Variants in CARF observed in about 807,000 individuals in gnomAD.
The protein encoded by CARF is calcium-responsive transcription factor.
A neutral mutation model predicts 82.0 loss-of-function variants in CARF; 57 were observed. That is an observed-to-expected ratio of 0.70 (90% CI 0.56 to 0.87). The LOEUF (loss-of-function observed/expected upper bound fraction) is 0.87. CARF is among the 40% of genes least tolerant of loss of function. The pLI is 0.00. For synonymous variants in CARF, 268 were observed against 290.1 expected (o/e 0.92, Z 0.77); for missense variants, 771 against 855.8 (o/e 0.90, Z 1.24).
At chr2:202,957,435 C>G (rs1034461687) in intron 8 of CARF, among the ~76,000 whole-genome samples, 21 of 152,018 alleles carry the variant, frequency 1.4e-4, no homozygotes, top group African/African-American at 4.8e-4. Context: ...TAGCCTAGTC[C>G]TCCTACTTTT....
chr2:202,923,717 TC>T (rs1691272765), intron 2 of CARF, among the ~76,000 whole-genome samples: 2 of 152,264 alleles, frequency 1.3e-5, no homozygotes, highest in Admixed American at 6.5e-5. Context: ...TTACCTGATT[TC>T]GAACTATACT....
At chr2:202,934,236 C>T (rs944027617) in intron 3 of CARF, among the ~76,000 whole-genome samples, 2 of 151,730 alleles carry the variant, frequency 1.3e-5, no homozygotes, top group Non-Finnish European at 1.5e-5. Flanking sequence ...ATGACATGTT[C>T]TTTATGGTTC....
rs1211690549 is a variant in CARF, at chr2:202,912,959, TTACTC to T, written c.-470_-466del. 1 of 152,240 alleles carries T rather than the reference TTACTC, an allele frequency of 6.6e-6. No homozygotes were observed. The highest frequency in any genetic ancestry group is 1.5e-5 in the Non-Finnish European group (1 of 68,046). 9.4% of individuals were successfully genotyped at this position (152,240 alleles called of 1,614,324 possible). A position where few individuals can be genotyped will look rare whatever the true frequency, so the allele number is the denominator to read the frequency against. On this transcript the variant is annotated 5_prime_UTR_variant, in exon 1 of 17. An upstream open reading frame in the 5' UTR loses its in-frame stop. Transcript: ENST00000438828. ...GTATTGTTCTCAATGGTCCCAAGAA[TTACTC>T]TAATATAGTTGTTTTTCTGAGGGAG...
intron 9 of CARF, 170 bp downstream of exon 9, chr2:202,961,596 C>A (rs1377919752): frequency 1.7e-6 from 1 of 597,500 alleles, no homozygotes. Flanking sequence ...TAATCAATTA[C>A]TTTATAATAT....
At chr2:202,928,753 G>T (rs572619162) in intron 3 of CARF, among the ~76,000 whole-genome samples, 1 of 151,918 alleles carries the variant, frequency 6.6e-6, no homozygotes, top group South Asian at 2.1e-4. Context: ...TTGACCATTC[G>T]TATGTCTTCT....
intron 10 of CARF, among the ~76,000 whole-genome samples, chr2:202,968,125 C>T (rs1251222677): frequency 6.6e-6 from 1 of 152,062 alleles, no homozygotes; most frequent in African/African-American, 2.4e-5. Context: ...CATTCTTGGC[C>T]GAGCATGGTG....
intron 10 of CARF, among the ~76,000 whole-genome samples, chr2:202,968,653 T>C (rs553860039): frequency 7.9e-5 from 12 of 152,260 alleles, no homozygotes; most frequent in Admixed American, 7.9e-4. Context: ...GAAGAAATAA[T>C]TTTATTTTCC....
chr2:202,976,088 CATACATACATA>C (rs759354366), intron 13 of CARF, among the ~76,000 whole-genome samples: 4 of 152,072 alleles, frequency 2.6e-5, no homozygotes, highest in South Asian at 2.1e-4. Context: ...TCCATCCATA[CATACATACATA>C]CATACAGTTC....
intron 9 of CARF, among the ~76,000 whole-genome samples, chr2:202,964,004 C>T (rs2059433260): frequency 6.6e-6 from 1 of 152,100 alleles, no homozygotes; most frequent in Admixed American, 6.6e-5. Flanking sequence ...CCTGTTATAG[C>T]CAATATCACA....
In CARF at chr2:202,987,165, A is replaced by G. The variant is rs753238102; in HGVS notation, c.*3541A>G. ...TTACATTTTGGGGAGACATATATGC[A>G]TTTAATACCCTGCAACTCAGCCAAG... On this transcript the variant is annotated 3_prime_UTR_variant, in exon 17 of 17. Coordinates refer to ENST00000438828, the MANE Select transcript of CARF (RefSeq NM_024744.17). 1 of 151,756 alleles carries G rather than the reference A, an allele frequency of 6.6e-6. No individual in the cohort carries two copies. The highest frequency in any genetic ancestry group is 1.5e-5 in the Non-Finnish European group (1 of 67,964). 9.4% of individuals were successfully genotyped at this position (151,756 alleles called of 1,614,324 possible).
intron 5 of CARF, among the ~76,000 whole-genome samples, chr2:202,947,473 T>C (rs1405581543): frequency 6.6e-6 from 1 of 151,358 alleles, no homozygotes; most frequent in African/African-American, 2.4e-5. Flanking sequence ...CCAGGGCCTG[T>C]CGGGGGGGTA....
Position 202,971,753 on chromosome 2 carries a change from C to A in CARF, c.1331+15C>A. 1 of 1,567,862 alleles carries A rather than the reference C, an allele frequency of 6.4e-7. No homozygotes were observed. The highest frequency in any genetic ancestry group is 8.8e-7 in the Non-Finnish European group (1 of 1,139,754). On this transcript the variant is annotated intron_variant, in intron 12 of 16. Coordinates refer to ENST00000438828, the MANE Select transcript of CARF (RefSeq NM_024744.17). ...AAACAGCTAAGGTACAATAGAAGAGCATTGTTCTTTTACATTTTTCAGTTT... is the reference window on the plus strand; with the variant it reads ...AAACAGCTAAGGTACAATAGAAGAGAATTGTTCTTTTACATTTTTCAGTTT...
chr2:202,942,087 T>G (rs1485594550), intron 4 of CARF, 107 bp downstream of exon 4: 1 of 899,244 alleles, frequency 1.1e-6, no homozygotes, highest in Non-Finnish European at 1.7e-6. Context: ...TATTCAAGAA[T>G]TTTGAGCTGG....
intron 9 of CARF, 55 bp downstream of exon 9, chr2:202,961,481 C>CA: frequency 4.7e-6 from 7 of 1,495,932 alleles, no homozygotes; most frequent in Non-Finnish European, 6.5e-6. Flanking sequence ...AGTCCATTGT[C>CA]AAAATGTGAT....
intron 2 of CARF, among the ~76,000 whole-genome samples, chr2:202,918,529 T>TCAAAA (rs1257576034): frequency 2.0e-5 from 3 of 151,902 alleles, no homozygotes; most frequent in African/African-American, 7.3e-5. Flanking sequence ...AGACTCCGTC[T>TCAAAA]CAAAACAAAA....
rs766365967 is a variant in CARF at position 202,983,667 on chromosome 2, A to G, written c.*43A>G. Reference sequence around the variant, plus strand: ...GAATTTACAACTCTGGTGACTTCTGATGTCTTAGAAAGGAAGGTGAATATA... The same window carrying G: ...GAATTTACAACTCTGGTGACTTCTGGTGTCTTAGAAAGGAAGGTGAATATA... On this transcript the variant is annotated 3_prime_UTR_variant, in exon 17 of 17. Transcript: ENST00000438828. The G allele has an allele frequency of 2.4e-6, 3 of 1,231,576 alleles. No individual in the cohort carries two copies. The South Asian group carries it at 3.8e-5, about 16-fold the overall frequency. 76.3% of individuals were successfully genotyped at this position (1,231,576 alleles called of 1,614,324 possible). A position where few individuals can be genotyped will look rare whatever the true frequency, so the allele number is the denominator to read the frequency against.
At position 202,983,668 on chromosome 2, in the gene CARF, T is replaced by A; in HGVS notation, c.*44T>A. ...AATTTACAACTCTGGTGACTTCTGATGTCTTAGAAAGGAAGGTGAATATAG... is the reference window on the plus strand; with the variant it reads ...AATTTACAACTCTGGTGACTTCTGAAGTCTTAGAAAGGAAGGTGAATATAG... On this transcript the variant is annotated 3_prime_UTR_variant, in exon 17 of 17. Coordinates refer to ENST00000438828, the MANE Select transcript of CARF (RefSeq NM_024744.17). The A allele has an allele frequency of 4.9e-6, 6 of 1,228,896 alleles. No homozygotes were observed. The highest frequency in any genetic ancestry group is 7.1e-6 in the Non-Finnish European group (6 of 840,544). 76.1% of individuals were successfully genotyped at this position (1,228,896 alleles called of 1,614,324 possible). A position where few individuals can be genotyped will look rare whatever the true frequency, so the allele number is the denominator to read the frequency against.
intron 8 of CARF, among the ~76,000 whole-genome samples, 189 bp from the exon 9 acceptor site, chr2:202,961,048 A>G (rs2059299285): frequency 6.6e-6 from 1 of 152,178 alleles, no homozygotes; most frequent in Non-Finnish European, 1.5e-5. Context: ...TTGGCATTAT[A>G]TTCCCTAACA....
intron 2 of CARF, among the ~76,000 whole-genome samples, chr2:202,923,660 T>G (rs985548669): frequency 6.6e-6 from 1 of 152,186 alleles, no homozygotes; most frequent in Non-Finnish European, 1.5e-5. Context: ...AGAGCCCGCA[T>G]AGCCAAAGCA....
Sources: gnomAD v4.1 joint callset for allele counts (sites outside exome capture counted in the v4.1 genomes callset) on GRCh38, gnomAD v4.1.1 for gene constraint, MANE v1.5 for transcripts, NCBI Gene and HGNC (gene_info 2026-07-23, HGNC 2026-07-21) for gene names.